Variants in HERC1 observed in about 807,000 individuals in gnomAD.
HERC1 encodes probable E3 ubiquitin-protein ligase HERC1.
A neutral mutation model predicts 554.3 loss-of-function variants in HERC1; 160 were observed. The observed-to-expected ratio is 0.29, with a 90% CI of 0.25 to 0.33. The LOEUF (loss-of-function observed/expected upper bound fraction) is 0.33. Ranked by LOEUF, HERC1 falls within the 10% of genes least tolerant of loss-of-function variation. The pLI, the probability that HERC1 is intolerant of heterozygous loss-of-function variation, is 1.00. For missense variants in HERC1, 4,919 were observed against 5,918.5 expected (o/e 0.83, Z 5.54); for synonymous variants, 2,175 against 2,131.7 (o/e 1.02, Z -0.56).
Position 63,625,219 on chromosome 15 carries a change from C to T in HERC1, c.13275+766G>A, listed in dbSNP as rs147364859. Among the ~76,000 whole-genome samples, 6 of 152,232 alleles carry T rather than the reference C, an allele frequency of 3.9e-5. No individual in the cohort carries two copies. The East Asian group carries it at 1.2e-3, about 29-fold the overall frequency. ...AAATCAGCAAAATTTACTTTATTTC[C>T]CCGACCTCCCTTTCCCCAAGACCCA... is the stretch of plus-strand genomic sequence containing the variant. On this transcript the variant is annotated intron_variant, in intron 71 of 77. Transcript: ENST00000443617.
chr15:63,665,997 T>G lies in HERC1; in HGVS notation c.8477A>C (p.Asn2826Thr), dbSNP rs766919151. 1 of 1,614,028 alleles carries G rather than the reference T, an allele frequency of 6.2e-7. No individual in the cohort carries two copies. Among genetic ancestry groups the G allele is most frequent in the South Asian group, 1.1e-5 (1 of 91,084 alleles). ...AAVLGSGGKSNDPCYLQSPGD... is the reference protein window; with the variant it reads ...AAVLGSGGKSTDPCYLQSPGD... ...AGGTGACTGCAAATAACAGGGATCA[T>G]TTGACTTCCCGCCACTGCCTAGAAC... is the stretch of plus-strand genomic sequence containing the variant. The change falls in exon 42 of 78, where the codon AAT becomes ACT. Residue 2826 changes from asparagine to threonine, a missense_variant. Asn to Thr is a moderately conservative substitution (Grantham distance 65). Transcript: ENST00000443617.
Position 63,758,336 on chromosome 15 carries a change from A to G in HERC1, c.1060T>C (p.Cys354Arg). 1 of 1,596,398 alleles carries G rather than the reference A, an allele frequency of 6.3e-7. No individual in the cohort carries two copies. Among genetic ancestry groups the G allele is most frequent in the Non-Finnish European group, 8.6e-7 (1 of 1,165,804 alleles). The change falls in exon 4 of 78, where the codon TGT becomes CGT. Residue 354 changes from cysteine to arginine, a missense_variant. Physicochemically the swap from Cys to Arg is radical, Grantham distance 180. This residue lies in a region of HERC1 where 744 missense variants were observed against 1,090.0 expected (regional missense o/e 0.68). Coordinates refer to ENST00000443617, the MANE Select transcript of HERC1 (RefSeq NM_003922.4). This position sits in a 1 kb window ranked among gnomAD's most constrained non-coding sequence, Gnocchi z 4.0. ...GTCTGAATGCTATCTGGGCTAGCACATGTTCTCGAATAATCAGAAGCCATT... is the reference window on the plus strand; with the variant it reads ...GTCTGAATGCTATCTGGGCTAGCACGTGTTCTCGAATAATCAGAAGCCATT... Reference protein sequence around the residue: ...CRMASDYSRTCASPDSIQTGD... With the variant: ...CRMASDYSRTRASPDSIQTGD...
At chr15:63,804,825 C>T (rs1360706685) in intron 1 of HERC1, among the ~76,000 whole-genome samples, 1 of 152,076 alleles carries the variant, frequency 6.6e-6, no homozygotes, top group African/African-American at 2.4e-5. Context: ...GCCAAAAAAG[C>T]GCATGAAAGG....
intron 25 of HERC1, among the ~76,000 whole-genome samples, chr15:63,704,370 C>A (rs1276914374): frequency 6.6e-6 from 1 of 152,092 alleles, no homozygotes; most frequent in Non-Finnish European, 1.5e-5. Context: ...CAGACTGAAT[C>A]TCAAATTATA....
At position 63,612,802 on chromosome 15, in the gene HERC1, G is replaced by A. The variant is rs141571536; in HGVS notation, c.14095-246C>T. Among the ~76,000 whole-genome samples, 490 of 152,228 alleles carry A rather than the reference G, an allele frequency of 3.2e-3. 2 individuals are homozygous for A. Among genetic ancestry groups the A allele is most frequent in the South Asian group, 8.5e-3 (41 of 4,820 alleles). On this transcript the variant is annotated intron_variant, in intron 76 of 77. Transcript: ENST00000443617. The surrounding 1 kb of genome is among the most constrained non-coding windows in gnomAD (Gnocchi z 5.0). ...TGGTTCCAGTTCAAGTCCAATTTAG[G>A]AGCCTGCCTTCCCTCTACCACAAAA... is the stretch of plus-strand genomic sequence containing the variant.
rs1011961121 is a variant in HERC1 at position 63,747,226 on chromosome 15, G to C, written c.2355-143C>G. On this transcript the variant is annotated intron_variant, in intron 11 of 77. Coordinates refer to ENST00000443617, the MANE Select transcript of HERC1 (RefSeq NM_003922.4). ...TGTAATCCCAGCACTTTGGGAGGCG[G>C]AGGTGGGTGGATCACCTGAAGTCAG... 7 of 645,262 alleles carry C rather than the reference G, an allele frequency of 1.1e-5. No individual in the cohort carries two copies. The African/African-American group carries it at 1.3e-4, about 12-fold the overall frequency. The allele number at this position is 645,262 out of a possible 1,614,324, so 40.0% of individuals were successfully genotyped here.
At position 63,659,871 on chromosome 15, in the gene HERC1, G is replaced by C; in HGVS notation, c.9289C>G (p.Leu3097Val). 1 of 1,613,862 alleles carries C rather than the reference G, an allele frequency of 6.2e-7. No homozygotes were observed. Among genetic ancestry groups the C allele is most frequent in the East Asian group, 2.2e-5 (1 of 44,878 alleles). The change falls in exon 47 of 78, where the codon CTT becomes GTT. Residue 3097 changes from leucine (L) to valine (V), a missense_variant. Leu to Val is a conservative substitution (Grantham distance 32, BLOSUM62 1). Coordinates refer to ENST00000443617, the MANE Select transcript of HERC1 (RefSeq NM_003922.4). ...TCATTTAAACCAAGCGGTCCAGCAA[G>C]TAATTCAAATTCTTCTTCACCAGTT... ...KLTGEEEFEL[L>V]AGPLGLNDRR...
At chr15:63,781,486 AT>A (rs1185704267) in intron 1 of HERC1, among the ~76,000 whole-genome samples, 2 of 152,156 alleles carry the variant, frequency 1.3e-5, no homozygotes, top group Non-Finnish European at 2.9e-5. Flanking sequence ...TATTATTGTA[AT>A]TGTTTGGGGG....
chr15:63,769,934 A>T (rs991886398), intron 2 of HERC1, among the ~76,000 whole-genome samples: 4 of 152,102 alleles, frequency 2.6e-5, no homozygotes, highest in African/African-American at 9.7e-5. Flanking sequence ...CTAAATGACA[A>T]TTTTTTTCCC....
rs1039979231 is a variant in HERC1 at position 63,680,892 on chromosome 15, A to G, written c.6226-116T>C. The G allele has an allele frequency of 1.5e-6, 1 of 660,444 alleles. No individual in the cohort carries two copies. 40.9% of individuals were successfully genotyped at this position (660,444 alleles called of 1,614,324 possible). A position where few individuals can be genotyped will look rare whatever the true frequency, so the allele number is the denominator to read the frequency against. On this transcript the variant is annotated intron_variant, in intron 34 of 77. Transcript: ENST00000443617. This position sits in a 1 kb window ranked among gnomAD's most constrained non-coding sequence, Gnocchi z 5.8. ...ATAATACTAATGCATTTATGGAAAC[A>G]TGTTATTTTCAGCATAAATAAAAAT...
rs1363146707 is a variant in HERC1 at position 63,666,454 on chromosome 15, C to T, written c.8225G>A (p.Ser2742Asn). Reference sequence around the variant, plus strand: ...AGGAGGAGGAGAAGTTGAAAGTCTACTGCTTGGGTCTGACAAGGCTGAGAC... The same window carrying T: ...AGGAGGAGGAGAAGTTGAAAGTCTATTGCTTGGGTCTGACAAGGCTGAGAC... ...ANRTALSDPS[S>N]RLSTSPPPPA... The change falls in exon 41 of 78, where the codon AGT (serine) becomes AAT (asparagine). Residue 2742 changes from serine (S) to asparagine (N), a missense_variant. Physicochemically the swap from Ser to Asn is conservative, Grantham distance 46. This residue lies in a region of HERC1 where 1,963 missense variants were observed against 2,228.6 expected (regional missense o/e 0.88). Transcript: ENST00000443617. 2.5e-6 allele frequency: 4 copies of T among 1,611,074 alleles called. No homozygotes were observed. Among genetic ancestry groups the T allele is most frequent in the Non-Finnish European group, 3.4e-6 (4 of 1,178,310 alleles).
intron 1 of HERC1, among the ~76,000 whole-genome samples, chr15:63,787,391 A>T (rs948256664): frequency 6.6e-6 from 1 of 152,034 alleles, no homozygotes; most frequent in African/African-American, 2.4e-5. Context: ...GCCTGACCTC[A>T]GGTGATCCAC....
chr15:63,669,651 C>G lies in HERC1; in HGVS notation c.8093G>C (p.Arg2698Pro). 1.4e-5 allele frequency: 22 copies of G among 1,613,810 alleles called. No individual in the cohort carries two copies. Among genetic ancestry groups the G allele is most frequent in the Non-Finnish European group, 1.9e-5 (22 of 1,179,784 alleles). The stretch of plus-strand genomic sequence containing the variant: ...CGAAGATATTGGAGGAGTCTGTGCC[C>G]GACGTGTGGGAAGTACAGTGGTAGT... ...YPTTTVLPTR[R>P]AQTPPISSLP... The change falls in exon 40 of 78, where the codon CGG (arginine) becomes CCG (proline). Residue 2698 changes from arginine (R) to proline (P), a missense_variant. Arg to Pro is a moderately radical substitution (Grantham distance 103). Coordinates refer to ENST00000443617, the MANE Select transcript of HERC1 (RefSeq NM_003922.4).
intron 1 of HERC1, among the ~76,000 whole-genome samples, chr15:63,801,567 C>T (rs1285742186): frequency 6.6e-6 from 1 of 152,156 alleles, no homozygotes; most frequent in Non-Finnish European, 1.5e-5. Context: ...GAGGCAGTAT[C>T]GATTTTGCTT....
In HERC1 at chr15:63,755,223, T is replaced by C. The variant is rs1403238817; in HGVS notation, c.1630+6A>G. ...AAGAATAACTTACATTTTTAAAAAATCTTACCTAATCTTCCAAAGTCTCCT... is the reference window on the plus strand; with the variant it reads ...AAGAATAACTTACATTTTTAAAAAACCTTACCTAATCTTCCAAAGTCTCCT... On this transcript the variant is annotated splice_donor_region_variant and intron_variant, in intron 6 of 77. Coordinates refer to ENST00000443617, the MANE Select transcript of HERC1 (RefSeq NM_003922.4). 1 of 1,588,390 alleles carries C rather than the reference T, an allele frequency of 6.3e-7. No individual in the cohort carries two copies. The highest frequency in any genetic ancestry group is 8.6e-7 in the Non-Finnish European group (1 of 1,157,006).
At chr15:63,674,240 T>TA (rs1262197826) in intron 38 of HERC1, 102 bp downstream of exon 38, 1 of 1,059,448 alleles carries the variant, frequency 9.4e-7, no homozygotes, top group African/African-American at 1.6e-5. Flanking sequence ...AAAAAAAATT[T>TA]TTTTTTTTTT....
At chr15:63,730,220 C>T (rs948761982) in intron 14 of HERC1, among the ~76,000 whole-genome samples, 1 of 150,234 alleles carries the variant, frequency 6.7e-6, no homozygotes, top group Non-Finnish European at 1.5e-5. Context: ...TTTGGGAGGC[C>T]GAGGTGGAAA....
At position 63,654,182 on chromosome 15, in the gene HERC1, A is replaced by T; in HGVS notation, c.10227T>A (p.Leu3409=). ...DRDNQTTLQT[L]ADMGGDLRKC... The stretch of plus-strand genomic sequence containing the variant: ...TTCTAAGATCTCCTCCCATATCAGC[A>T]AGTGTCTGCAGAGTAGTTTGGTTGT... Residue 3409 remains leucine, a synonymous_variant, in exon 51 of 78, where the codon CTT becomes CTA. Transcript: ENST00000443617. 6.2e-7 allele frequency: 1 copy of T among 1,613,998 alleles called. No individual in the cohort carries two copies.
At chr15:63,785,198 G>A (rs78837403) in intron 1 of HERC1, among the ~76,000 whole-genome samples, 1,867 of 152,254 alleles carry the variant, frequency 0.012, 35 homozygotes, top group African/African-American at 0.043. Flanking sequence ...GCCAAGGTGG[G>A]AGGAAGCTTT....
Sources: gnomAD v4.1 joint callset for allele counts (sites outside exome capture counted in the v4.1 genomes callset) on GRCh38, gnomAD v4.1.1 for gene constraint, gnomAD v4.1.1 regional missense constraint, Gnocchi (gnomAD v3.1) non-coding constraint, MANE v1.5 for transcripts, NCBI Gene and HGNC (gene_info 2026-07-23, HGNC 2026-07-21) for gene names.